FAM72C: variants seen among roughly 807,000 people sequenced by gnomAD.
The protein encoded by FAM72C is protein FAM72C.
Under a neutral mutation model 5.2 loss-of-function variants are expected in FAM72C, and 1 was observed. The observed-to-expected ratio is 0.19, with a 90% CI of 0.07 to 0.91. The LOEUF is 0.91. Ranked by LOEUF, FAM72C falls within the 40% of genes least tolerant of loss-of-function variation. The pLI is 0.66. For synonymous variants in FAM72C, 1 was observed against 21.8 expected (o/e 0.05, Z 2.66); for missense variants, 4 against 66.0 (o/e 0.06, Z 3.25).
rs1304570360 is a variant in FAM72C, at chr1:143,967,206, G to A, written c.230+1718C>T. Among the ~76,000 whole-genome samples, 17 of 145,796 alleles carry A rather than the reference G, an allele frequency of 1.2e-4. 1 individual carries two copies. The highest frequency in any genetic ancestry group is 3.6e-4 in the African/African-American group (14 of 39,368). On this transcript the variant is annotated intron_variant, in intron 2 of 3. Transcript: ENST00000584486. The stretch of plus-strand genomic sequence containing the variant: ...AAAATTAGCCGGGTGGGCTGGGTGC[G>A]GTGGCTCACGCCTGTAATCCTAGCA...
chr1:143,959,414 A>T (rs1661533786), intron 3 of FAM72C, among the ~76,000 whole-genome samples: 1 of 139,942 alleles, frequency 7.1e-6, no homozygotes, highest in African/African-American at 2.7e-5. Flanking sequence ...TTACATGAAA[A>T]TGGCCTTCTT....
chr1:143,965,623 C>T (rs1661752016), intron 2 of FAM72C, among the ~76,000 whole-genome samples: 1 of 77,642 alleles, frequency 1.3e-5, no homozygotes, highest in Admixed American at 1.3e-4. Context: ...TAACTCAGTT[C>T]TGTGGGTAAA....
chr1:143,959,197 C>T (rs1226635247), intron 3 of FAM72C, among the ~76,000 whole-genome samples: 14 of 137,358 alleles, frequency 1.0e-4, no homozygotes, highest in African/African-American at 2.1e-4. Flanking sequence ...TGGAAGAATG[C>T]GGGGCTTTTA....
At chr1:143,962,097 C>T (rs1194160530) in intron 3 of FAM72C, among the ~76,000 whole-genome samples, 1 of 136,852 alleles carries the variant, frequency 7.3e-6, no homozygotes, top group Non-Finnish European at 1.6e-5. Context: ...TCACCGCAAC[C>T]TCCGCCTCCC....
At chr1:143,967,304 C>A (rs1661801422) in intron 2 of FAM72C, among the ~76,000 whole-genome samples, 1 of 145,064 alleles carries the variant, frequency 6.9e-6, no homozygotes, top group East Asian at 2.1e-4. Context: ...ATGGTGAAAC[C>A]CTGTCTCTAC....
intron 2 of FAM72C, among the ~76,000 whole-genome samples, chr1:143,967,003 G>A (rs1366269451): frequency 7.0e-6 from 1 of 143,706 alleles, no homozygotes; most frequent in Non-Finnish European, 1.5e-5. Flanking sequence ...ACTCCAGCCT[G>A]GGCAACTGAG....
Position 143,960,842 on chromosome 1 carries a change from T to C in FAM72C, c.355+4013A>G, listed in dbSNP as rs1321348935. 7.2e-5 allele frequency among the ~76,000 whole-genome samples: 10 copies of C among 138,850 alleles called. 1 individual carries two copies. The highest frequency in any genetic ancestry group is 7.1e-4 in the Admixed American group (10 of 14,022). 91.1% of individuals were successfully genotyped at this position (138,850 alleles called of 152,430 possible). Reference sequence around the variant, plus strand: ...TTTCTTACTAAAATATTTTTTTTTTTTTTTTTTTTGAGACAGGATCTCACT... The same window carrying C: ...TTTCTTACTAAAATATTTTTTTTTTCTTTTTTTTTGAGACAGGATCTCACT... On this transcript the variant is annotated intron_variant, in intron 3 of 3. Coordinates refer to ENST00000584486, the MANE Select transcript of FAM72C (RefSeq NM_001287385.2).
rs1275263484 is a variant in FAM72C, at chr1:143,955,959, GT to G, written c.*427del. 1.0e-4 allele frequency: 1 copy of G among 9,760 alleles called. No individual in the cohort carries two copies. Among genetic ancestry groups the G allele is most frequent in the African/African-American group, 4.9e-4 (1 of 2,022 alleles). The allele number at this position is 9,760 out of a possible 1,614,324, so 0.6% of individuals were successfully genotyped here. On this transcript the variant is annotated 3_prime_UTR_variant, in exon 4 of 4. Transcript: ENST00000584486. ...AGTGCCCATGGAAACCTAACAGCTTGTTTTTTTAATCCCCTATTAAAACTCG... is the reference window on the plus strand; with the variant it reads ...AGTGCCCATGGAAACCTAACAGCTTGTTTTTTAATCCCCTATTAAAACTCG...
chr1:143,965,983 A>C (rs1661762123), intron 2 of FAM72C, among the ~76,000 whole-genome samples: 1 of 112,958 alleles, frequency 8.9e-6, no homozygotes, highest in Admixed American at 9.2e-5. Context: ...AGTACTTTAA[A>C]AAAAATAGCA....
rs1661453119 is a variant in FAM72C at position 143,955,621 on chromosome 1, T to C, written c.*766A>G. 1 of 142,896 alleles carries C rather than the reference T, an allele frequency of 7.0e-6. No individual in the cohort carries two copies. Among genetic ancestry groups the C allele is most frequent in the Non-Finnish European group, 1.5e-5 (1 of 65,466 alleles). 8.9% of individuals were successfully genotyped at this position (142,896 alleles called of 1,614,324 possible). On this transcript the variant is annotated 3_prime_UTR_variant, in exon 4 of 4. Coordinates refer to ENST00000584486, the MANE Select transcript of FAM72C (RefSeq NM_001287385.2). The stretch of plus-strand genomic sequence containing the variant: ...TTAAGCAAATCGCTTTAGTTTTTTT[T>C]TCTATTTAAGATTTAGGACAGACTA...
chr1:143,960,785 AT>A (rs1428610753), intron 3 of FAM72C, among the ~76,000 whole-genome samples: 2,759 of 135,878 alleles, frequency 0.02, 166 homozygotes, highest in African/African-American at 0.07. Flanking sequence ...AGGAAAAAGA[AT>A]TTTTTTTTTT....
chr1:143,967,477 TAAA>T (rs1210312748), intron 2 of FAM72C, among the ~76,000 whole-genome samples: 20 of 119,240 alleles, frequency 1.7e-4, no homozygotes, highest in African/African-American at 6.2e-4. Flanking sequence ...AACTCCGTCT[TAAA>T]AAAAAAAAAA....
rs1430086100 is a variant in FAM72C, at chr1:143,960,090, G to A, written c.356-3609C>T. On this transcript the variant is annotated intron_variant, in intron 3 of 3. Transcript: ENST00000584486. The stretch of plus-strand genomic sequence containing the variant: ...TCAATGGCTCCAGGCAATATAAAAA[G>A]TATTATATAAATCCCCTTTAAAAAT... 7.2e-3 allele frequency among the ~76,000 whole-genome samples: 784 copies of A among 109,104 alleles called. 24 individuals carry two copies. The highest frequency in any genetic ancestry group is 0.027 in the African/African-American group (733 of 27,092). The allele number at this position is 109,104 out of a possible 152,430, so 71.6% of individuals were successfully genotyped here. A position where few individuals can be genotyped will look rare whatever the true frequency, so the allele number is the denominator to read the frequency against.
chr1:143,962,164 G>A (rs1404957900), intron 3 of FAM72C, among the ~76,000 whole-genome samples: 13 of 137,558 alleles, frequency 9.5e-5, no homozygotes, highest in Middle Eastern at 3.5e-3. Flanking sequence ...ATAGGCATGC[G>A]CCACCATGCC....
rs1278389534 is a variant in FAM72C, at chr1:143,962,133, G to A, written c.355+2722C>T. 2.2e-5 allele frequency among the ~76,000 whole-genome samples: 3 copies of A among 133,650 alleles called. 1 individual carries two copies. Among genetic ancestry groups the A allele is most frequent in the Non-Finnish European group, 4.9e-5 (3 of 61,294 alleles). 87.7% of individuals were successfully genotyped at this position (133,650 alleles called of 152,430 possible). On this transcript the variant is annotated intron_variant, in intron 3 of 3. Transcript: ENST00000584486. ...GGGTTCAAGCCATTCTCCTGCCTTA[G>A]CCTCCCAAGTAGCTGGGATTATAGG...
chr1:143,966,920 C>T (rs1661788996), intron 2 of FAM72C, among the ~76,000 whole-genome samples: 1 of 143,610 alleles, frequency 7.0e-6, no homozygotes, highest in African/African-American at 2.6e-5. Context: ...CCCAGCTACT[C>T]AGGAGGCAGA....
intron 3 of FAM72C, among the ~76,000 whole-genome samples, chr1:143,961,709 A>T (rs1570989574): frequency 1.0e-5 from 1 of 97,476 alleles, no homozygotes; most frequent in African/African-American, 3.9e-5. Flanking sequence ...ATATGGAGAA[A>T]GTTTTAGTGA....
Position 143,960,067 on chromosome 1 carries a change from A to C in FAM72C, c.356-3586T>G, listed in dbSNP as rs1237012533. Among the ~76,000 whole-genome samples, 15 of 118,538 alleles carry C rather than the reference A, an allele frequency of 1.3e-4. 1 individual carries two copies. The East Asian group carries it at 3.2e-3, about 25-fold the overall frequency. The allele number at this position is 118,538 out of a possible 152,430, so 77.8% of individuals were successfully genotyped here. A position where few individuals can be genotyped will look rare whatever the true frequency, so the allele number is the denominator to read the frequency against. On this transcript the variant is annotated intron_variant, in intron 3 of 3. Coordinates refer to ENST00000584486, the MANE Select transcript of FAM72C (RefSeq NM_001287385.2). ...GAACATGTGTCTTATAACAAAACTC[A>C]ATGGCTCCAGGCAATATAAAAAGTA...
rs1203981037 is a variant in FAM72C at position 143,955,467 on chromosome 1, G to C, written c.*920C>G. 1 of 139,866 alleles carries C rather than the reference G, an allele frequency of 7.1e-6. No homozygotes were observed. The highest frequency in any genetic ancestry group is 1.6e-5 in the Non-Finnish European group (1 of 64,210). 8.7% of individuals were successfully genotyped at this position (139,866 alleles called of 1,614,324 possible). A position where few individuals can be genotyped will look rare whatever the true frequency, so the allele number is the denominator to read the frequency against. ...ATTAAAGAGATACATTTATTTTAGA[G>C]TTACATAAAACCAGAATCCAACACT... On this transcript the variant is annotated 3_prime_UTR_variant, in exon 4 of 4. Coordinates refer to ENST00000584486, the MANE Select transcript of FAM72C (RefSeq NM_001287385.2).
Sources: allele counts gnomAD v4.1 joint callset (sites outside exome capture counted in the v4.1 genomes callset), GRCh38; gene constraint gnomAD v4.1.1; transcripts MANE v1.5; gene names NCBI Gene and HGNC (gene_info 2026-07-23, HGNC 2026-07-21).